GHR: variants seen among roughly 807,000 people sequenced by gnomAD.
The protein encoded by GHR is GH receptor.
Under a neutral mutation model 67.1 loss-of-function variants are expected in GHR, and 35 were observed. The ratio of observed to expected loss-of-function variants is 0.52; its 90% confidence interval spans 0.40 to 0.69. GHR has a LOEUF of 0.69. Ranked by LOEUF, GHR falls within the 30% of genes least tolerant of loss-of-function variation. GHR has a pLI of 0.00. For synonymous variants in GHR, 272 were observed against 269.1 expected (o/e 1.01, Z -0.10); for missense variants, 792 against 764.6 (o/e 1.04, Z -0.42).
chr5:42,511,873 G>A (rs190091424), intron 1 of GHR, among the ~76,000 whole-genome samples: 11 of 152,254 alleles, frequency 7.2e-5, no homozygotes, highest in African/African-American at 2.4e-4. Flanking sequence ...AAAATACTGT[G>A]ATATGGGTTG....
At chr5:42,705,836 A>G (rs982320118) in intron 6 of GHR, among the ~76,000 whole-genome samples, 4 of 152,072 alleles carry the variant, frequency 2.6e-5, no homozygotes, top group Non-Finnish European at 5.9e-5. Context: ...GCTATTGTGA[A>G]TAGTGCTATG....
rs1464357560 is a variant in GHR at position 42,720,737 on chromosome 5, A to C, written c.*1313A>C. 2.6e-5 allele frequency: 4 copies of C among 152,234 alleles called. No homozygotes were observed. 9.4% of individuals were successfully genotyped at this position (152,234 alleles called of 1,614,324 possible). On this transcript the variant is annotated 3_prime_UTR_variant, in exon 10 of 10. Transcript: ENST00000230882. ...TGAAAATTATTTAAACCGCTAAAAGAAACTTTCTTTCTCACTAAATCTTTT... is the reference window on the plus strand; with the variant it reads ...TGAAAATTATTTAAACCGCTAAAAGCAACTTTCTTTCTCACTAAATCTTTT...
chr5:42,609,622 A>C (rs992274801), intron 2 of GHR, among the ~76,000 whole-genome samples: 2 of 152,128 alleles, frequency 1.3e-5, no homozygotes, highest in Non-Finnish European at 2.9e-5. Context: ...AAGATAAAGG[A>C]TGAAGTGTCC....
At chr5:42,539,065 T>G (rs1748386731) in intron 1 of GHR, among the ~76,000 whole-genome samples, 1 of 152,154 alleles carries the variant, frequency 6.6e-6, no homozygotes, top group Non-Finnish European at 1.5e-5. Context: ...TCCTTAAATT[T>G]TTCTCCTTTC....
At chr5:42,544,792 A>G (rs1748665822) in intron 1 of GHR, among the ~76,000 whole-genome samples, 1 of 152,162 alleles carries the variant, frequency 6.6e-6, no homozygotes, top group Non-Finnish European at 1.5e-5. Context: ...GCTGGCTTTG[A>G]TCCACTAAAT....
chr5:42,485,731 A>T (rs1422414833), intron 1 of GHR, among the ~76,000 whole-genome samples: 1 of 152,234 alleles, frequency 6.6e-6, no homozygotes, highest in African/African-American at 2.4e-5. Context: ...CCACATGTAA[A>T]TCAGAATGCA....
chr5:42,483,376 C>G (rs1745739358), intron 1 of GHR, among the ~76,000 whole-genome samples: 1 of 151,924 alleles, frequency 6.6e-6, no homozygotes, highest in African/African-American at 2.4e-5. Context: ...TAATTATCAG[C>G]TTGCAAATGA....
intron 3 of GHR, among the ~76,000 whole-genome samples, chr5:42,631,541 A>G (rs578104793): frequency 5.3e-5 from 8 of 152,182 alleles, no homozygotes; most frequent in Non-Finnish European, 8.8e-5. Context: ...TGTCACAAAT[A>G]TTTAACAGTC....
At chr5:42,671,955 CAAAA>C (rs33965774) in intron 3 of GHR, among the ~76,000 whole-genome samples, 2 of 111,178 alleles carry the variant, frequency 1.8e-5, no homozygotes, top group African/African-American at 3.7e-5. Flanking sequence ...GACTCCGTCT[CAAAA>C]AAAAAAAAAA....
At chr5:42,665,895 G>T (rs1366756006) in intron 3 of GHR, among the ~76,000 whole-genome samples, 2 of 152,218 alleles carry the variant, frequency 1.3e-5, no homozygotes, top group East Asian at 3.9e-4. Flanking sequence ...CAGGGGAACT[G>T]CCCTTTATAA....
chr5:42,565,993 G>T lies in GHR; in HGVS notation c.70+49G>T. 3 of 1,603,996 alleles carry T rather than the reference G, an allele frequency of 1.9e-6. No individual in the cohort carries two copies. The South Asian group carries it at 3.3e-5, about 18-fold the overall frequency. ...ACCCTCAGTGTTTTGAAACAACACTGAACTGTATTCGCTACATCCAAGTTT... is the reference window on the plus strand; with the variant it reads ...ACCCTCAGTGTTTTGAAACAACACTTAACTGTATTCGCTACATCCAAGTTT... On this transcript the variant is annotated intron_variant, in intron 2 of 9. Transcript: ENST00000230882.
rs1407828601 is a variant in GHR at position 42,524,322 on chromosome 5, G to T, written c.-11-41542G>T. On this transcript the variant is annotated intron_variant, in intron 1 of 9. Transcript: ENST00000230882. ...GAGATGAGGAACTTGTTGGGAACTG[G>T]AGAAAATATGACTCTTGTTATGTTT... 2.6e-5 allele frequency among the ~76,000 whole-genome samples: 4 copies of T among 152,196 alleles called. No homozygotes were observed. The East Asian group carries it at 7.7e-4, about 29-fold the overall frequency.
intron 1 of GHR, chr5:42,468,856 T>C (rs1744867532): frequency 2.2e-6 from 2 of 918,972 alleles, no homozygotes; most frequent in African/African-American, 1.7e-5. Flanking sequence ...TTCCTGTAAC[T>C]GCCCAGGCAT....
chr5:42,508,882 G>A, intron 1 of GHR, among the ~76,000 whole-genome samples: 1 of 152,106 alleles, frequency 6.6e-6, no homozygotes. Flanking sequence ...CCAGAAGTTT[G>A]TGTTTGATGT....
intron 1 of GHR, among the ~76,000 whole-genome samples, chr5:42,482,163 C>T (rs940101804): frequency 1.3e-5 from 2 of 152,188 alleles, no homozygotes; most frequent in African/African-American, 2.4e-5. Flanking sequence ...CCCTGTTTGC[C>T]TGGGTATCAG....
At chr5:42,463,517 CAATGGGA>C (rs1744576441) in intron 1 of GHR, among the ~76,000 whole-genome samples, 1 of 152,034 alleles carries the variant, frequency 6.6e-6, no homozygotes, top group African/African-American at 2.4e-5. Flanking sequence ...GTGCAGATGA[CAATGGGA>C]AAATCAAATG....
At chr5:42,689,893 T>G (rs572655095) in intron 4 of GHR, among the ~76,000 whole-genome samples, 1 of 152,334 alleles carries the variant, frequency 6.6e-6, no homozygotes, top group African/African-American at 2.4e-5. Flanking sequence ...AAGACTGTAG[T>G]ACTTTTTCAT....
At chr5:42,702,196 C>T (rs1757964374) in intron 6 of GHR, among the ~76,000 whole-genome samples, 1 of 152,062 alleles carries the variant, frequency 6.6e-6, no homozygotes, top group African/African-American at 2.4e-5. Context: ...TCAATATCTC[C>T]TTAACTCTGC....
At chr5:42,631,030 C>A (rs1753903389) in intron 3 of GHR, among the ~76,000 whole-genome samples, 3 of 151,416 alleles carry the variant, frequency 2.0e-5, no homozygotes, top group Admixed American at 2.0e-4. Context: ...CCTCTTCTAC[C>A]CAGTGTTTCC....
Sources: allele counts gnomAD v4.1 joint callset (sites outside exome capture counted in the v4.1 genomes callset), GRCh38; gene constraint gnomAD v4.1.1; transcripts MANE v1.5; gene names NCBI Gene and HGNC (gene_info 2026-07-23, HGNC 2026-07-21).